Variants in TRIM71 observed in about 807,000 individuals in gnomAD.
TRIM71 encodes E3 ubiquitin-protein ligase TRIM71.
TRIM71 carries 9 observed loss-of-function variants against 61.2 expected under a neutral mutation model. The observed-to-expected ratio is 0.15, with a 90% CI of 0.09 to 0.26. The LOEUF is 0.26. Among genes scored for constraint, TRIM71 ranks in the 10% least tolerant of loss-of-function variants. The pLI, the probability that TRIM71 is intolerant of heterozygous loss-of-function variation, is 1.00. For synonymous variants in TRIM71, 645 were observed against 553.2 expected, an observed-to-expected ratio of 1.17 and a Z score of -2.33; for missense variants, 998 against 1,238.7, an observed-to-expected ratio of 0.81 and a Z score of 2.92.
At chr3:32,876,566 C>T (rs945236068) in intron 2 of TRIM71, among the ~76,000 whole-genome samples, 1 of 151,880 alleles carries the variant, frequency 6.6e-6, no homozygotes, top group African/African-American at 2.4e-5. Flanking sequence ...CCTGGACGAC[C>T]GAATGAGACT....
Position 32,818,320 on chromosome 3 carries a change from C to T in TRIM71, c.240C>T (p.Gly80=). 2.1e-6 allele frequency: 3 copies of T among 1,437,408 alleles called. No homozygotes were observed. The highest frequency in any genetic ancestry group is 2.8e-5 in the Admixed American group (1 of 35,352). 89.0% of individuals were successfully genotyped at this position (1,437,408 alleles called of 1,614,324 possible). Reference sequence around the variant, plus strand: ...CGCACCGGCTGCCGGCGGCGGGCGGCGGCGCGGCGGGAGAGCCGCTCAAGC... The same window carrying T: ...CGCACCGGCTGCCGGCGGCGGGCGGTGGCGCGGCGGGAGAGCCGCTCAAGC... ...LEAHRLPAAG[G]GAAGEPLKLR... The change falls in exon 1 of 4, where the codon GGC becomes GGT. Residue 80 remains glycine (G), a synonymous_variant. Transcript: ENST00000383763.
chr3:32,850,282 A>G (rs149394198), intron 1 of TRIM71, among the ~76,000 whole-genome samples: 295 of 152,246 alleles, frequency 1.9e-3, no homozygotes, highest in African/African-American at 6.5e-3. Flanking sequence ...TTTGTGTGCA[A>G]TTCTCTAAAA....
At chr3:32,875,953 C>A (rs1157453783) in intron 2 of TRIM71, among the ~76,000 whole-genome samples, 1 of 152,176 alleles carries the variant, frequency 6.6e-6, no homozygotes, top group Non-Finnish European at 1.5e-5. Context: ...GATACTGAAA[C>A]AATCTTTTCT....
At chr3:32,833,185 A>T (rs956621352) in intron 1 of TRIM71, among the ~76,000 whole-genome samples, 4 of 23,980 alleles carry the variant, frequency 1.7e-4, no homozygotes, top group East Asian at 8.8e-4. Flanking sequence ...CTCTGTCTTT[A>T]AAAAAAAAAA....
At chr3:32,843,547 A>G (rs150165873) in intron 1 of TRIM71, among the ~76,000 whole-genome samples, 27 of 152,322 alleles carry the variant, frequency 1.8e-4, no homozygotes, top group African/African-American at 5.8e-4. Flanking sequence ...AAATCTGGGC[A>G]GGCATCACCT....
rs75341335 is a variant in TRIM71 at position 32,868,253 on chromosome 3, CT to C, written c.853-5563del. On this transcript the variant is annotated intron_variant, in intron 1 of 3. Coordinates refer to ENST00000383763, the MANE Select transcript of TRIM71 (RefSeq NM_001039111.3). ...TGAGAACAGAAACTGGTACTTTGCC[CT>C]TCACATGGGTGAAGGTCGACCTGAC... Among the ~76,000 whole-genome samples, 2,247 of 152,274 alleles carry C rather than the reference CT, an allele frequency of 0.015. 135 individuals are homozygous for C. In the East Asian group the frequency reaches 0.2, roughly 14 times the overall value.
chr3:32,842,215 A>T (rs948400895), intron 1 of TRIM71, among the ~76,000 whole-genome samples: 2 of 152,282 alleles, frequency 1.3e-5, no homozygotes, highest in South Asian at 2.1e-4. Flanking sequence ...GAAAACTGTT[A>T]GTTTGATAAT....
intron 1 of TRIM71, among the ~76,000 whole-genome samples, chr3:32,847,740 TC>T (rs1359392667): frequency 1.3e-5 from 2 of 152,222 alleles, no homozygotes; most frequent in Non-Finnish European, 2.9e-5. Context: ...AAGCAGAGAT[TC>T]GCCTGGAGTT....
intron 1 of TRIM71, among the ~76,000 whole-genome samples, chr3:32,820,517 C>T (rs915300709): frequency 2.6e-5 from 4 of 152,144 alleles, no homozygotes; most frequent in African/African-American, 4.8e-5. Context: ...AATACCGATC[C>T]AAATCCCAGG....
At chr3:32,852,196 T>A (rs561313016) in intron 1 of TRIM71, among the ~76,000 whole-genome samples, 7 of 152,010 alleles carry the variant, frequency 4.6e-5, no homozygotes, top group Non-Finnish European at 8.8e-5. Context: ...ATGAATGAAA[T>A]TGGGGACAGG....
At chr3:32,865,475 A>C (rs1251088316) in intron 1 of TRIM71, among the ~76,000 whole-genome samples, 1 of 152,194 alleles carries the variant, frequency 6.6e-6, no homozygotes, top group African/African-American at 2.4e-5. Context: ...GGGCGGCAGC[A>C]AGAGACATAT....
rs1049372397 is a variant in TRIM71 at position 32,897,165 on chromosome 3, G to A, written c.*5354G>A. ...CAAAATGCTTTAATTTTTAACTGCA[G>A]AACATGTGACTCGGTTGAGTCTTTT... On this transcript the variant is annotated 3_prime_UTR_variant, in exon 4 of 4. Coordinates refer to ENST00000383763, the MANE Select transcript of TRIM71 (RefSeq NM_001039111.3). The A allele has an allele frequency of 6.6e-6, 1 of 151,864 alleles. No individual in the cohort carries two copies. The highest frequency in any genetic ancestry group is 1.5e-5 in the Non-Finnish European group (1 of 67,970). 9.4% of individuals were successfully genotyped at this position (151,864 alleles called of 1,614,324 possible). A position where few individuals can be genotyped will look rare whatever the true frequency, so the allele number is the denominator to read the frequency against.
intron 1 of TRIM71, among the ~76,000 whole-genome samples, chr3:32,855,665 C>G (rs1696592351): frequency 6.6e-6 from 1 of 152,136 alleles, no homozygotes; most frequent in Non-Finnish European, 1.5e-5. Flanking sequence ...GGTTCATCTT[C>G]AGGGATGGTG....
chr3:32,878,503 T>C (rs1696873606), intron 2 of TRIM71, among the ~76,000 whole-genome samples: 1 of 152,122 alleles, frequency 6.6e-6, no homozygotes, highest in African/African-American at 2.4e-5. Flanking sequence ...TAATCCCAGC[T>C]ACTTGGGAGG....
In TRIM71 at chr3:32,818,887, A is replaced by T; in HGVS notation, c.807A>T (p.Ser269=). Residue 269 remains serine, a synonymous_variant, in exon 1 of 4, where the codon TCA becomes TCT. Transcript: ENST00000383763. ...CCGGCCCGCCCTTCTCCATCCTCTC[A>T]GTGTTTCCCGAGCGCCTCGGCTTCT... ...PFPGPPFSIL[S]VFPERLGFCQ... 6.2e-7 allele frequency: 1 copy of T among 1,612,286 alleles called. No homozygotes were observed. The highest frequency in any genetic ancestry group is 8.5e-7 in the Non-Finnish European group (1 of 1,179,710).
intron 1 of TRIM71, among the ~76,000 whole-genome samples, chr3:32,822,836 G>T (rs540918282): frequency 6.6e-6 from 1 of 152,324 alleles, no homozygotes; most frequent in Non-Finnish European, 1.5e-5. Flanking sequence ...GCGATCAGAT[G>T]TAACTAAGTT....
intron 1 of TRIM71, among the ~76,000 whole-genome samples, chr3:32,831,684 G>T (rs955843382): frequency 6.6e-6 from 1 of 151,742 alleles, no homozygotes; most frequent in Admixed American, 6.6e-5. Flanking sequence ...CTACAGGCGC[G>T]TGCCACCATG....
Position 32,818,364 on chromosome 3 carries a change from A to G in TRIM71, c.284A>G (p.Asp95Gly). The G allele has an allele frequency of 6.8e-7, 1 of 1,477,400 alleles. No individual in the cohort carries two copies. Among genetic ancestry groups the G allele is most frequent in the Non-Finnish European group, 8.9e-7 (1 of 1,119,324 alleles). 91.5% of individuals were successfully genotyped at this position (1,477,400 alleles called of 1,614,324 possible). The stretch of plus-strand genomic sequence containing the variant: ...CTCAAGCTGCGCTGCCCCGTGTGCG[A>G]CCAGAAAGTAGTGCTAGCCGAGGCG... ...EPLKLRCPVC[D>G]QKVVLAEAAG... Residue 95 changes from aspartate (D) to glycine (G), a missense_variant, in exon 1 of 4, where the codon GAC becomes GGC. Around this residue, in one of 5 missense-constraint regions of TRIM71, gnomAD observed 527 missense variants for 427.8 expected, o/e 1.23. Coordinates refer to ENST00000383763, the MANE Select transcript of TRIM71 (RefSeq NM_001039111.3).
rs567850445 is a variant in TRIM71, at chr3:32,857,505, A to G, written c.853-16313A>G. Reference sequence around the variant, plus strand: ...GGGGTTAGGGGCGCTGACGCCCTGTACAGTCAAATTTGTGTGTAGACTCCC... The same window carrying G: ...GGGGTTAGGGGCGCTGACGCCCTGTGCAGTCAAATTTGTGTGTAGACTCCC... On this transcript the variant is annotated intron_variant, in intron 1 of 3. Coordinates refer to ENST00000383763, the MANE Select transcript of TRIM71 (RefSeq NM_001039111.3). Among the ~76,000 whole-genome samples the G allele has an allele frequency of 5.3e-5, 8 of 152,362 alleles. No homozygotes were observed. The East Asian group carries it at 1.3e-3, about 26-fold the overall frequency.
Sources: allele counts gnomAD v4.1 joint callset (sites outside exome capture counted in the v4.1 genomes callset), GRCh38; gene constraint gnomAD v4.1.1; regional missense constraint gnomAD v4.1.1; transcripts MANE v1.5; gene names NCBI Gene and HGNC (gene_info 2026-07-23, HGNC 2026-07-21).